Variants in HTR7 observed in about 807,000 individuals in gnomAD.
HTR7 encodes 5-hydroxytryptamine receptor 7.
A neutral mutation model predicts 34.0 loss-of-function variants in HTR7; 16 were observed. The observed-to-expected ratio is 0.47, with a 90% CI of 0.32 to 0.71. HTR7 has a LOEUF of 0.71. Among genes scored for constraint, HTR7 ranks in the 30% least tolerant of loss-of-function variants. The pLI is 0.04. For synonymous variants in HTR7, 265 were observed against 260.2 expected, an observed-to-expected ratio of 1.02 and a Z score of -0.18; for missense variants, 504 against 625.5, an observed-to-expected ratio of 0.81 and a Z score of 2.07.
intron 1 of HTR7, among the ~76,000 whole-genome samples, chr10:90,752,601 G>C (rs996418883): frequency 1.3e-5 from 2 of 151,096 alleles, no homozygotes; most frequent in African/African-American, 4.9e-5. Context: ...ATAATGAAGG[G>C]ATACTTATCC....
intron 1 of HTR7, among the ~76,000 whole-genome samples, chr10:90,778,852 A>T (rs1164093739): frequency 6.6e-6 from 1 of 152,084 alleles, no homozygotes; most frequent in Non-Finnish European, 1.5e-5. Context: ...TTCCCAACTC[A>T]AGTCTGAACT....
At chr10:90,796,072 A>G (rs1389385995) in intron 1 of HTR7, among the ~76,000 whole-genome samples, 9 of 152,214 alleles carry the variant, frequency 5.9e-5, no homozygotes, top group African/African-American at 2.2e-4. Flanking sequence ...AATGCTGGTC[A>G]GCTTTTCCTG....
chr10:90,856,597 T>C (rs954014678), intron 1 of HTR7, among the ~76,000 whole-genome samples: 3 of 152,122 alleles, frequency 2.0e-5, no homozygotes, highest in African/African-American at 7.2e-5. Context: ...AAACCAGACT[T>C]CCACAAGCAA....
intron 1 of HTR7, among the ~76,000 whole-genome samples, chr10:90,833,040 A>G (rs1564697895): frequency 1.3e-5 from 2 of 152,192 alleles, no homozygotes; most frequent in Non-Finnish European, 2.9e-5. Flanking sequence ...AGGAAGGTGG[A>G]GTAGACTTGG....
intron 1 of HTR7, among the ~76,000 whole-genome samples, chr10:90,800,365 C>T (rs1845605286): frequency 6.6e-6 from 1 of 152,138 alleles, no homozygotes; most frequent in Non-Finnish European, 1.5e-5. Flanking sequence ...AATAGAACCC[C>T]TCTTGGCCAA....
At chr10:90,792,368 G>C (rs1001891823) in intron 1 of HTR7, among the ~76,000 whole-genome samples, 1 of 151,850 alleles carries the variant, frequency 6.6e-6, no homozygotes, top group Non-Finnish European at 1.5e-5. Context: ...GGGTTTTTTT[G>C]TTTTGTTTTT....
At chr10:90,755,186 T>C (rs1223962071) in intron 1 of HTR7, among the ~76,000 whole-genome samples, 1 of 152,244 alleles carries the variant, frequency 6.6e-6, no homozygotes, top group African/African-American at 2.4e-5. Flanking sequence ...ATATTTCATC[T>C]GAACAGTTTG....
intron 1 of HTR7, among the ~76,000 whole-genome samples, chr10:90,774,262 A>G (rs974328062): frequency 6.6e-6 from 1 of 152,246 alleles, no homozygotes; most frequent in Non-Finnish European, 1.5e-5. Context: ...AGATTACATG[A>G]AAAGGGGAGC....
At chr10:90,805,676 G>T (rs1467087006) in intron 1 of HTR7, among the ~76,000 whole-genome samples, 2 of 152,200 alleles carry the variant, frequency 1.3e-5, no homozygotes, top group Non-Finnish European at 2.9e-5. Flanking sequence ...TTAGGGGAGA[G>T]AAATTTTTTG....
chr10:90,779,391 G>C (rs913680874), intron 1 of HTR7, among the ~76,000 whole-genome samples: 5 of 152,200 alleles, frequency 3.3e-5, no homozygotes, highest in Non-Finnish European at 7.3e-5. Context: ...CAAGAAGGAA[G>C]ACAAGGCCTT....
chr10:90,818,630 C>G (rs1397958807), intron 1 of HTR7, among the ~76,000 whole-genome samples: 1 of 152,132 alleles, frequency 6.6e-6, no homozygotes. Context: ...ATTCTTCCAC[C>G]ATCTGCCATG....
At chr10:90,802,705 C>G (rs1845648051) in intron 1 of HTR7, among the ~76,000 whole-genome samples, 3 of 152,256 alleles carry the variant, frequency 2.0e-5, no homozygotes, top group Admixed American at 2.0e-4. Flanking sequence ...CTTGTACACT[C>G]AAACTGCCTG....
chr10:90,851,515 G>C (rs1846499177), intron 1 of HTR7, among the ~76,000 whole-genome samples: 2 of 140,802 alleles, frequency 1.4e-5, no homozygotes, highest in South Asian at 4.7e-4. Flanking sequence ...TAAGGCAGGA[G>C]AATGGTGTGA....
chr10:90,773,544 G>A (rs1221363260), intron 1 of HTR7, among the ~76,000 whole-genome samples: 2 of 151,848 alleles, frequency 1.3e-5, no homozygotes, highest in Non-Finnish European at 2.9e-5. Flanking sequence ...TTGTACTATC[G>A]AATAGGATGC....
chr10:90,744,213 G>T (rs1042612021), intron 2 of HTR7, among the ~76,000 whole-genome samples: 1 of 150,176 alleles, frequency 6.7e-6, no homozygotes, highest in Non-Finnish European at 1.5e-5. Flanking sequence ...GGGAGCAAAG[G>T]GTTCTGATTA....
intron 1 of HTR7, among the ~76,000 whole-genome samples, chr10:90,836,924 G>A (rs1424233954): frequency 6.6e-6 from 1 of 152,198 alleles, no homozygotes; most frequent in African/African-American, 2.4e-5. Context: ...TAGTTAGGGA[G>A]TCAGAGACAA....
chr10:90,816,518 T>C, intron 1 of HTR7, among the ~76,000 whole-genome samples: 1 of 152,208 alleles, frequency 6.6e-6, no homozygotes, highest in East Asian at 1.9e-4. Flanking sequence ...AAAAAGAACC[T>C]AGTTATAATT....
intron 1 of HTR7, among the ~76,000 whole-genome samples, chr10:90,773,860 C>A (rs1845161483): frequency 6.6e-6 from 1 of 152,108 alleles, no homozygotes; most frequent in South Asian, 2.1e-4. Context: ...AGGTGATAGA[C>A]CCTTAGGTTG....
chr10:90,754,554 A>G (rs544613433), intron 1 of HTR7, among the ~76,000 whole-genome samples: 1 of 152,336 alleles, frequency 6.6e-6, no homozygotes. Context: ...ATGTTAAAGT[A>G]CAGTAAATCT....
Sources: allele counts gnomAD v4.1 joint callset (sites outside exome capture counted in the v4.1 genomes callset), GRCh38; gene constraint gnomAD v4.1.1; transcripts MANE v1.5; gene names NCBI Gene and HGNC (gene_info 2026-07-23, HGNC 2026-07-21).